The following BLOC1S3 variants were observed in gnomAD, a reference collection of about 807,000 sequenced individuals.
The protein encoded by BLOC1S3 is biogenesis of lysosomal organelles complex 1 subunit 3.
BLOC1S3 carries 7 observed loss-of-function variants against 9.1 expected under a neutral mutation model. The ratio of observed to expected loss-of-function variants is 0.77; its 90% confidence interval spans 0.44 to 1.45. BLOC1S3 has a LOEUF of 1.45. Among genes scored for constraint, BLOC1S3 ranks in the 40% most tolerant of loss-of-function variants. BLOC1S3 has a pLI of 0.01. For synonymous variants in BLOC1S3, 145 were observed against 158.4 expected, an observed-to-expected ratio of 0.92 and a Z score of 0.64; for missense variants, 307 against 315.2, an observed-to-expected ratio of 0.97 and a Z score of 0.20.
chr19:45,213,340 G>C, intron 3 of BLOC1S3: 2 of 1,613,404 alleles, frequency 1.2e-6, no homozygotes. Flanking sequence ...GTCGAGGAGG[G>C]CTGCCACGTG....
At chr19:45,213,112 C>G (rs779999765) in intron 3 of BLOC1S3, 5 of 1,546,444 alleles carry the variant, frequency 3.2e-6, no homozygotes, top group Non-Finnish European at 4.3e-6. Context: ...AGGCCGGGGC[C>G]GAGGCAGACA....
chr19:45,200,061 C>T (rs180678152), intron 2 of BLOC1S3, among the ~76,000 whole-genome samples: 105 of 152,186 alleles, frequency 6.9e-4, no homozygotes, highest in Admixed American at 1.8e-3. Flanking sequence ...CCACTGTGCC[C>T]GGCCTGACTG....
chr19:45,190,755 A>G (rs898913141), intron 2 of BLOC1S3, among the ~76,000 whole-genome samples: 5 of 116,108 alleles, frequency 4.3e-5, no homozygotes, highest in African/African-American at 1.2e-4. Context: ...CTGTCTCTCT[A>G]TGATTGGTCA....
intron 3 of BLOC1S3, among the ~76,000 whole-genome samples, chr19:45,207,823 C>T (rs1431823922): frequency 1.3e-5 from 2 of 152,168 alleles, no homozygotes; most frequent in Non-Finnish European, 2.9e-5. Flanking sequence ...CACATGTGCA[C>T]AGGTACACAT....
At chr19:45,212,802 G>A (rs1257361821) in intron 3 of BLOC1S3, 2 of 396,032 alleles carry the variant, frequency 5.1e-6, no homozygotes, top group Non-Finnish European at 8.9e-6. Flanking sequence ...GTCTCACTAT[G>A]TTGCCCAGGC....
At chr19:45,191,845 C>A (rs962503501) in intron 2 of BLOC1S3, among the ~76,000 whole-genome samples, 80 of 152,242 alleles carry the variant, frequency 5.3e-4, no homozygotes, top group African/African-American at 1.8e-3. Context: ...GCTGTGGCCA[C>A]CAGTGCTGGG....
chr19:45,211,796 CA>C (rs1969773637), intron 3 of BLOC1S3, among the ~76,000 whole-genome samples: 1 of 126,856 alleles, frequency 7.9e-6, no homozygotes, highest in South Asian at 2.6e-4. Context: ...TCTGACTTCT[CA>C]GGGAAAAAAA....
intron 2 of BLOC1S3, among the ~76,000 whole-genome samples, chr19:45,201,457 C>A (rs1358039769): frequency 1.3e-5 from 2 of 152,102 alleles, no homozygotes; most frequent in African/African-American, 2.4e-5. Flanking sequence ...ACCCAGGGCC[C>A]GTGGCAACCA....
In BLOC1S3 at chr19:45,180,088, G is replaced by A; in HGVS notation, c.*183G>A. 1.6e-6 allele frequency: 1 copy of A among 628,540 alleles called. No individual in the cohort carries two copies. Among genetic ancestry groups the A allele is most frequent in the Admixed American group, 3.8e-5 (1 of 26,068 alleles). The allele number at this position is 628,540 out of a possible 1,614,324, so 38.9% of individuals were successfully genotyped here. ...TATTGGATATAGTTCAACCCCTACT[G>A]CGGAGACCAGGGCCCCACTATCCTT... On this transcript the variant is annotated 3_prime_UTR_variant, in exon 2 of 2. Transcript: ENST00000433642.
At position 45,179,489 on chromosome 19, in the gene BLOC1S3, T is replaced by TCGGAGC. The variant is rs552143332; in HGVS notation, c.210_215dup (p.Glu72_Pro73dup). The stretch of plus-strand genomic sequence containing the variant: ...GGCTGGGGAAGCCGCGGAGACCGAC[T>TCGGAGC]CGGAGCCGGAGCCGGAGCCGGAACC... On this transcript the variant is annotated inframe_insertion, in exon 2 of 2. Coordinates refer to ENST00000433642, the MANE Select transcript of BLOC1S3 (RefSeq NM_212550.5). This position sits in a 1 kb window ranked among gnomAD's most constrained non-coding sequence, Gnocchi z 4.6. The TCGGAGC allele has an allele frequency of 3.3e-5, 50 of 1,523,598 alleles. No homozygotes were observed. In the East Asian group the frequency reaches 4.3e-4, roughly 13 times the overall value. 94.4% of individuals were successfully genotyped at this position (1,523,598 alleles called of 1,614,324 possible).
At chr19:45,199,994 G>T (rs1277536850) in intron 2 of BLOC1S3, among the ~76,000 whole-genome samples, 1 of 151,930 alleles carries the variant, frequency 6.6e-6, no homozygotes, top group East Asian at 2.0e-4. Flanking sequence ...TCAAACTCCT[G>T]ACCTCAGGTG....
chr19:45,207,662 A>G (rs962070418), intron 3 of BLOC1S3, among the ~76,000 whole-genome samples: 2 of 149,946 alleles, frequency 1.3e-5, no homozygotes, highest in South Asian at 4.3e-4. Context: ...GCTTGAACCC[A>G]GGAGGTGGAG....
intron 3 of BLOC1S3, among the ~76,000 whole-genome samples, chr19:45,206,623 ATT>A (rs77449388): frequency 1.0e-3 from 133 of 133,482 alleles, no homozygotes; most frequent in Middle Eastern, 3.9e-3. Context: ...ACCTAGTTAA[ATT>A]TTTTTTTTTT....
At chr19:45,193,563 A>G (rs994682157) in intron 2 of BLOC1S3, among the ~76,000 whole-genome samples, 3 of 151,896 alleles carry the variant, frequency 2.0e-5, no homozygotes, top group African/African-American at 7.3e-5. Context: ...TAAATAAGCC[A>G]TACTTGCCCG....
chr19:45,212,028 C>T (rs1213869351), intron 3 of BLOC1S3, among the ~76,000 whole-genome samples: 2 of 152,090 alleles, frequency 1.3e-5, no homozygotes, highest in Non-Finnish European at 2.9e-5. Context: ...CAGCCCTGCC[C>T]CCAACCTCCT....
At chr19:45,216,058 G>A (rs1158598706) in intron 3 of BLOC1S3, 2 of 1,613,206 alleles carry the variant, frequency 1.2e-6, no homozygotes, top group African/African-American at 1.3e-5. Flanking sequence ...CCCTGGCCCA[G>A]GCGGGGTGTC....
intron 3 of BLOC1S3, among the ~76,000 whole-genome samples, chr19:45,215,261 A>T (rs921217750): frequency 6.6e-6 from 1 of 152,196 alleles, no homozygotes; most frequent in Non-Finnish European, 1.5e-5. Flanking sequence ...ACTTGAGCCC[A>T]GAAGTTCGAG....
chr19:45,186,261 A>G (rs1331419635), downstream of BLOC1S3, among the ~76,000 whole-genome samples: 1 of 152,218 alleles, frequency 6.6e-6, no homozygotes, highest in Admixed American at 6.5e-5. Context: ...ATATGAATGA[A>G]GGAAGTGGCA....
At position 45,181,174 on chromosome 19, in the gene BLOC1S3, C is replaced by G. The variant is rs972365156; in HGVS notation, c.*1269C>G. The G allele has an allele frequency of 3.0e-5, 5 of 167,424 alleles. No homozygotes were observed. Among genetic ancestry groups the G allele is most frequent in the African/African-American group, 9.6e-5 (4 of 41,462 alleles). The allele number at this position is 167,424 out of a possible 1,614,324, so 10.4% of individuals were successfully genotyped here. A position where few individuals can be genotyped will look rare whatever the true frequency, so the allele number is the denominator to read the frequency against. The stretch of plus-strand genomic sequence containing the variant: ...TTCTGTTTCCCAAGTCCAGCAGTGT[C>G]GTGGGATAGGTTTTGCTTTCTTTTA... On this transcript the variant is annotated 3_prime_UTR_variant, in exon 2 of 2. Transcript: ENST00000433642.
Sources: gnomAD v4.1 joint callset for allele counts (sites outside exome capture counted in the v4.1 genomes callset) on GRCh38, gnomAD v4.1.1 for gene constraint, Gnocchi (gnomAD v3.1) non-coding constraint, MANE v1.5 for transcripts, NCBI Gene and HGNC (gene_info 2026-07-23, HGNC 2026-07-21) for gene names.